Variants in VAT1L observed in about 807,000 individuals in gnomAD.
VAT1L encodes vesicle amine transport 1 like.
Under a neutral mutation model 44.1 loss-of-function variants are expected in VAT1L, and 34 were observed. The observed-to-expected ratio is 0.77, with a 90% CI of 0.59 to 1.03. VAT1L has a LOEUF of 1.03. VAT1L is among the 50% of genes least tolerant of loss of function. The pLI is 0.00. For missense variants in VAT1L, 615 were observed against 538.8 expected, an observed-to-expected ratio of 1.14 and a Z score of -1.40; for synonymous variants, 253 against 202.2, an observed-to-expected ratio of 1.25 and a Z score of -2.13.
intron 7 of VAT1L, among the ~76,000 whole-genome samples, chr16:77,951,093 G>A (rs1365328944): frequency 2.6e-5 from 4 of 152,176 alleles, no homozygotes; most frequent in South Asian, 2.1e-4. Flanking sequence ...CCATCCACCT[G>A]AAGGAAATAC....
In VAT1L at chr16:77,955,729, C is replaced by CCA. The variant is rs375265679; in HGVS notation, c.1078-16121_1078-16120insCA. Among the ~76,000 whole-genome samples, 23 of 137,948 alleles carry CCA rather than the reference C, an allele frequency of 1.7e-4. No individual in the cohort carries two copies. The East Asian group carries it at 2.2e-3, about 13-fold the overall frequency. The allele number at this position is 137,948 out of a possible 152,430, so 90.5% of individuals were successfully genotyped here. Reference sequence around the variant, plus strand: ...GACAGAGGCTCCATATCCCCCCCCCCAAAAAAAAAAAAAGAGAGAGAATGG... The same window carrying CCA: ...GACAGAGGCTCCATATCCCCCCCCCCCAAAAAAAAAAAAAAGAGAGAGAATGG... On this transcript the variant is annotated intron_variant, in intron 7 of 8. Coordinates refer to ENST00000302536, the MANE Select transcript of VAT1L (RefSeq NM_020927.3).
chr16:77,820,915 C>G (rs1458046535), intron 2 of VAT1L, among the ~76,000 whole-genome samples: 1 of 152,138 alleles, frequency 6.6e-6, no homozygotes, highest in Non-Finnish European at 1.5e-5. Flanking sequence ...GTTTCCCTGC[C>G]CCAGCAGTCC....
At chr16:77,962,833 C>G (rs2018178763) in intron 7 of VAT1L, among the ~76,000 whole-genome samples, 1 of 152,034 alleles carries the variant, frequency 6.6e-6, no homozygotes. Context: ...GCAGTCTCAG[C>G]TACTTGGGAG....
intron 2 of VAT1L, among the ~76,000 whole-genome samples, chr16:77,821,487 T>C (rs2016452838): frequency 6.6e-6 from 1 of 152,030 alleles, no homozygotes; most frequent in Non-Finnish European, 1.5e-5. Flanking sequence ...GAGAAAGAGT[T>C]TCACCATGTT....
intron 1 of VAT1L, among the ~76,000 whole-genome samples, chr16:77,789,835 G>A (rs143197941): frequency 2.0e-5 from 3 of 152,144 alleles, no homozygotes; most frequent in African/African-American, 7.2e-5. Flanking sequence ...CCCGGGGAGA[G>A]TTTAAGCCTC....
intron 7 of VAT1L, among the ~76,000 whole-genome samples, chr16:77,946,279 C>CTTTGTTTTTTTTTTTTTTTTTTTTT (rs2017963568): frequency 1.4e-5 from 1 of 70,426 alleles, no homozygotes; most frequent in Non-Finnish European, 2.5e-5. Flanking sequence ...GTTACTTGTT[C>CTTTGTTTTTTTTTTTTTTTTTTTTT]TTTTTTTTTT....
chr16:77,977,559 T>A lies in VAT1L; in HGVS notation c.1162-38T>A, dbSNP rs753332396. ...GATGCTCAGAGATGACGAGGCTGGG[T>A]TGCACAACCCTCAATAACATCCTCT... On this transcript the variant is annotated intron_variant, in intron 8 of 8. Transcript: ENST00000302536. The A allele has an allele frequency of 5.0e-6, 8 of 1,604,860 alleles. 1 individual carries two copies. The Admixed American group carries it at 1.2e-4, about 24-fold the overall frequency.
intron 3 of VAT1L, among the ~76,000 whole-genome samples, chr16:77,862,467 T>C (rs1003508134): frequency 2.6e-5 from 4 of 151,446 alleles, no homozygotes; most frequent in Non-Finnish European, 5.9e-5. Flanking sequence ...ATACAAAAAA[T>C]TAACCGGGCA....
chr16:77,886,920 T>G (rs568094435), intron 7 of VAT1L, among the ~76,000 whole-genome samples: 1 of 152,340 alleles, frequency 6.6e-6, no homozygotes, highest in South Asian at 2.1e-4. Flanking sequence ...TATGTACACA[T>G]ACATGTGTGT....
intron 7 of VAT1L, 112 bp from the exon 8 acceptor site, chr16:77,971,738 G>A: frequency 8.8e-7 from 1 of 1,136,678 alleles, no homozygotes; most frequent in South Asian, 1.6e-5. Context: ...CACTAAACTT[G>A]AGCCGCAGCG....
intron 5 of VAT1L, among the ~76,000 whole-genome samples, chr16:77,878,090 T>A (rs2017108917): frequency 6.6e-6 from 1 of 152,234 alleles, no homozygotes; most frequent in South Asian, 2.1e-4. Flanking sequence ...ATGTGAGTAG[T>A]TCACAATTAT....
At chr16:77,873,328 A>C (rs1306908214) in intron 4 of VAT1L, among the ~76,000 whole-genome samples, 2 of 152,222 alleles carry the variant, frequency 1.3e-5, no homozygotes, top group Non-Finnish European at 2.9e-5. Flanking sequence ...TGCCTGCCTC[A>C]TAGGCTTTTT....
At chr16:77,841,348 G>A (rs760493375) in intron 3 of VAT1L, among the ~76,000 whole-genome samples, 2 of 152,212 alleles carry the variant, frequency 1.3e-5, no homozygotes, top group African/African-American at 4.8e-5. Flanking sequence ...CTCCCAAAGT[G>A]CTAGGATTAC....
chr16:77,970,934 T>C (rs1293982197), intron 7 of VAT1L, among the ~76,000 whole-genome samples: 2 of 152,256 alleles, frequency 1.3e-5, no homozygotes, highest in Non-Finnish European at 2.9e-5. Context: ...ATTTAATGAA[T>C]ATTTTTGGAC....
chr16:77,828,320 T>C (rs561845453), intron 3 of VAT1L, among the ~76,000 whole-genome samples: 5 of 152,254 alleles, frequency 3.3e-5, no homozygotes, highest in African/African-American at 9.6e-5. Flanking sequence ...GATAGGGAGG[T>C]TATCCTGCGT....
intron 7 of VAT1L, among the ~76,000 whole-genome samples, chr16:77,911,068 G>A (rs1278209886): frequency 6.6e-6 from 1 of 152,160 alleles, no homozygotes; most frequent in African/African-American, 2.4e-5. Flanking sequence ...CATCCCACAG[G>A]CAGGGACCCA....
At chr16:77,831,571 G>A (rs2016578351) in intron 3 of VAT1L, among the ~76,000 whole-genome samples, 1 of 152,070 alleles carries the variant, frequency 6.6e-6, no homozygotes, top group Admixed American at 6.5e-5. Flanking sequence ...CCAAATTGAG[G>A]GAAAGTCTAT....
chr16:77,942,423 C>A (rs2017898140), intron 7 of VAT1L, among the ~76,000 whole-genome samples: 1 of 150,510 alleles, frequency 6.6e-6, no homozygotes, highest in African/African-American at 2.4e-5. Flanking sequence ...CACACCATAT[C>A]AATCAGTGAT....
chr16:77,863,398 T>C (rs73577084), intron 4 of VAT1L, among the ~76,000 whole-genome samples: 7,709 of 152,328 alleles, frequency 0.051, 258 homozygotes, highest in Middle Eastern at 0.095. Flanking sequence ...CTAGCACTAC[T>C]GCTCAGGTCG....
Sources: allele counts gnomAD v4.1 joint callset (sites outside exome capture counted in the v4.1 genomes callset), GRCh38; gene constraint gnomAD v4.1.1; transcripts MANE v1.5; gene names NCBI Gene and HGNC (gene_info 2026-07-23, HGNC 2026-07-21).